The following KCTD4 variants were observed in gnomAD, a reference collection of about 807,000 sequenced individuals.
The protein encoded by KCTD4 is BTB/POZ domain-containing protein KCTD4.
In KCTD4, 12 loss-of-function variants were observed where a neutral mutation model predicts 18.3. That is an observed-to-expected ratio of 0.66 (90% CI 0.42 to 1.06). The LOEUF is 1.06. KCTD4 is among the 50% of genes least tolerant of loss of function. KCTD4 has a pLI of 0.00. For missense variants in KCTD4, 250 were observed against 303.4 expected, an observed-to-expected ratio of 0.82 and a Z score of 1.31; for synonymous variants, 124 against 110.5, an observed-to-expected ratio of 1.12 and a Z score of -0.76.
chr13:45,199,915 C>T (rs980026349), intron 1 of KCTD4, among the ~76,000 whole-genome samples: 3 of 152,094 alleles, frequency 2.0e-5, no homozygotes, highest in Admixed American at 1.3e-4. Context: ...AGGATCTGAA[C>T]AGGAGAACAG....
rs145052873 is a variant in KCTD4 at position 45,199,968 on chromosome 13, A to G, written c.-188+856T>C. Among the ~76,000 whole-genome samples, 1,304 of 152,306 alleles carry G rather than the reference A, an allele frequency of 8.6e-3. 7 individuals carry two copies. Among genetic ancestry groups the G allele is most frequent in the Non-Finnish European group, 0.014 (932 of 68,016 alleles). ...GAGCAAATGTGGTTTCTTACAGAGT[A>G]GGGAGGAGTTATAAACTAGGGATGG... On this transcript the variant is annotated intron_variant, in intron 1 of 1. Transcript: ENST00000379108.
At chr13:45,200,022 C>T (rs903836613) in intron 1 of KCTD4, among the ~76,000 whole-genome samples, 3 of 151,896 alleles carry the variant, frequency 2.0e-5, no homozygotes, top group Non-Finnish European at 4.4e-5. Flanking sequence ...ACATTTTTTT[C>T]ATATTTACCA....
At position 45,194,309 on chromosome 13, in the gene KCTD4, T is replaced by C. The variant is rs760123695; in HGVS notation, c.259A>G (p.Arg87Gly). 2 of 1,614,178 alleles carry C rather than the reference T, an allele frequency of 1.2e-6. No homozygotes were observed. Among genetic ancestry groups the C allele is most frequent in the Middle Eastern group, 1.6e-4 (1 of 6,062 alleles). Residue 87 changes from arginine to glycine, a missense_variant, in exon 2 of 2, where the codon AGG becomes GGG. Coordinates refer to ENST00000379108, the MANE Select transcript of KCTD4 (RefSeq NM_198404.3). ...TTTCGTAGGAAGTTTAGGACATGCC[T>C]GAAGAGGAGACCATCCCTGTCTATG... ...YFIDRDGLLF[R>G]HVLNFLRNGE... is the part of the protein sequence containing the mutation.
At chr13:45,200,180 T>G (rs1034719264) in intron 1 of KCTD4, among the ~76,000 whole-genome samples, 1 of 152,142 alleles carries the variant, frequency 6.6e-6, no homozygotes, top group African/African-American at 2.4e-5. Context: ...CTGTGAGCTA[T>G]TCCCTCCGTA....
chr13:45,195,948 G>A (rs181880050), intron 1 of KCTD4, among the ~76,000 whole-genome samples: 2 of 152,230 alleles, frequency 1.3e-5, no homozygotes, highest in Non-Finnish European at 2.9e-5. Flanking sequence ...GAGCTACTGC[G>A]CTGGGCCACA....
At chr13:45,199,151 C>G (rs188201568) in intron 1 of KCTD4, among the ~76,000 whole-genome samples, 2 of 152,306 alleles carry the variant, frequency 1.3e-5, no homozygotes, top group South Asian at 4.1e-4. Flanking sequence ...GCCACAAGGT[C>G]GTGTGAACAT....
chr13:45,200,256 A>G (rs1053504162), intron 1 of KCTD4, among the ~76,000 whole-genome samples: 3 of 152,092 alleles, frequency 2.0e-5, no homozygotes, highest in Non-Finnish European at 4.4e-5. Context: ...TGAGAGAGAG[A>G]GGGAGAGACA....
intron 1 of KCTD4, among the ~76,000 whole-genome samples, chr13:45,199,592 T>G (rs1873075267): frequency 6.6e-6 from 1 of 152,238 alleles, no homozygotes. Flanking sequence ...AGCATAGCAC[T>G]TATGTAAGCC....
chr13:45,199,004 T>C (rs1328007373), intron 1 of KCTD4, among the ~76,000 whole-genome samples: 1 of 152,212 alleles, frequency 6.6e-6, no homozygotes, highest in Non-Finnish European at 1.5e-5. Flanking sequence ...ATTTATCTGC[T>C]CTAAATGTTG....
chr13:45,194,235 T>C lies in KCTD4; in HGVS notation c.333A>G (p.Ala111=). The C allele has an allele frequency of 3.7e-6, 6 of 1,614,134 alleles. No individual in the cohort carries two copies. Among genetic ancestry groups the C allele is most frequent in the Non-Finnish European group, 5.1e-6 (6 of 1,179,966 alleles). Residue 111 remains alanine (A), a synonymous_variant, in exon 2 of 2, where the codon GCA becomes GCG. Transcript: ENST00000379108. ...PEGFRENQLL[A]QEAEFFQLKG... is the part of the protein sequence containing the mutation. ...TGAGCTGAAAGAATTCTGCTTCTTG[T>C]GCAAGAAGTTGATTTTCTCGAAACC...
intron 1 of KCTD4, among the ~76,000 whole-genome samples, chr13:45,198,467 T>C (rs1246018499): frequency 6.6e-6 from 1 of 152,190 alleles, no homozygotes; most frequent in Non-Finnish European, 1.5e-5. Context: ...TCAGACACTC[T>C]TCAAGGAAAA....
At chr13:45,197,715 G>A (rs1566132051) in intron 1 of KCTD4, among the ~76,000 whole-genome samples, 2 of 152,118 alleles carry the variant, frequency 1.3e-5, no homozygotes, top group African/African-American at 4.8e-5. Flanking sequence ...TTGCTAGGGG[G>A]TGGCGAGTGG....
In KCTD4 at chr13:45,200,678, C is replaced by T. The variant is rs151251477; in HGVS notation, c.-188+146G>A. Among the ~76,000 whole-genome samples the T allele has an allele frequency of 4.2e-3, 641 of 152,252 alleles. 3 individuals carry two copies. The highest frequency in any genetic ancestry group is 0.014 in the African/African-American group (594 of 41,540). ...TAATAATACAGGGATAGAAAGTTTG[C>T]CTAACTGGTTTGTTAAGATGCTAGT... On this transcript the variant is annotated intron_variant, in intron 1 of 1. Coordinates refer to ENST00000379108, the MANE Select transcript of KCTD4 (RefSeq NM_198404.3).
Position 45,194,367 on chromosome 13 carries a change from G to T in KCTD4, c.201C>A (p.Ile67=), listed in dbSNP as rs749741665. The T allele has an allele frequency of 1.9e-6, 3 of 1,614,162 alleles. No homozygotes were observed. The highest frequency in any genetic ancestry group is 2.5e-6 in the Non-Finnish European group (3 of 1,180,006). ...TFLEGIVNGK[I]LCPFDADGHY... Reference sequence around the variant, plus strand: ...GACCATCAGCATCAAACGGGCAGAGGATTTTTCCATTTACTATACCTTCAA... The same window carrying T: ...GACCATCAGCATCAAACGGGCAGAGTATTTTTCCATTTACTATACCTTCAA... Residue 67 remains isoleucine, a synonymous_variant, in exon 2 of 2, where the codon ATC becomes ATA. Coordinates refer to ENST00000379108, the MANE Select transcript of KCTD4 (RefSeq NM_198404.3).
At chr13:45,198,045 A>C (rs962473668) in intron 1 of KCTD4, among the ~76,000 whole-genome samples, 2 of 152,270 alleles carry the variant, frequency 1.3e-5, no homozygotes, top group Non-Finnish European at 2.9e-5. Context: ...TATTAGAGTT[A>C]GATCACCTCT....
At position 45,193,737 on chromosome 13, in the gene KCTD4, T is replaced by C. The variant is rs1254674445; in HGVS notation, c.*51A>G. ...TGGGATGTCTTTGATGCTGTGGTTTTCCGAAGCTTGCTGGCTGCATGCTTG... is the reference window on the plus strand; with the variant it reads ...TGGGATGTCTTTGATGCTGTGGTTTCCCGAAGCTTGCTGGCTGCATGCTTG... On this transcript the variant is annotated 3_prime_UTR_variant, in exon 2 of 2. Coordinates refer to ENST00000379108, the MANE Select transcript of KCTD4 (RefSeq NM_198404.3). 1 of 1,517,264 alleles carries C rather than the reference T, an allele frequency of 6.6e-7. No homozygotes were observed. The highest frequency in any genetic ancestry group is 2.3e-5 in the East Asian group (1 of 44,262). The allele number at this position is 1,517,264 out of a possible 1,614,324, so 94.0% of individuals were successfully genotyped here.
chr13:45,194,743 T>C lies in KCTD4; in HGVS notation c.-176A>G. 5 of 611,740 alleles carry C rather than the reference T, an allele frequency of 8.2e-6. No individual in the cohort carries two copies. In the South Asian group the frequency reaches 1.1e-4, roughly 13 times the overall value. 37.9% of individuals were successfully genotyped at this position (611,740 alleles called of 1,614,324 possible). Reference sequence around the variant, plus strand: ...AGTAGGTGGCGTATCAGCCTATGTATGCAGGAGCTTTCTGGAGTAAGACGG... The same window carrying C: ...AGTAGGTGGCGTATCAGCCTATGTACGCAGGAGCTTTCTGGAGTAAGACGG... On this transcript the variant is annotated 5_prime_UTR_variant, in exon 2 of 2. Transcript: ENST00000379108.
chr13:45,200,885 G>A lies in KCTD4; in HGVS notation c.-249C>T, dbSNP rs781508737. Among the ~76,000 whole-genome samples the A allele has an allele frequency of 2.5e-4, 38 of 152,212 alleles. No individual in the cohort carries two copies. Among genetic ancestry groups the A allele is most frequent in the Non-Finnish European group, 4.1e-4 (28 of 68,042 alleles). ...CAGAGAGTGTCGACACAGGTGTGAT[G>A]TAATTAAGAGTCAGGAGAGTAAGGA... is the stretch of plus-strand genomic sequence containing the variant. On this transcript the variant is annotated 5_prime_UTR_variant, in exon 1 of 2. Transcript: ENST00000379108.
In KCTD4 at chr13:45,194,183, T is replaced by C; in HGVS notation, c.385A>G (p.Arg129Gly). The change falls in exon 2 of 2, where the codon AGG becomes GGG. Residue 129 changes from arginine (R) to glycine (G), a missense_variant. Transcript: ENST00000379108. ...LKGLAEEVKSRWEKEQLTPRE... is the reference protein window; with the variant it reads ...LKGLAEEVKSGWEKEQLTPRE... ...GGTGTTAGCTGTTCTTTCTCCCACC[T>C]GGATTTCACTTCCTCTGCCAGTCCC... The C allele has an allele frequency of 1.2e-6, 2 of 1,614,178 alleles. No individual in the cohort carries two copies. Among genetic ancestry groups the C allele is most frequent in the Non-Finnish European group, 8.5e-7 (1 of 1,180,010 alleles).
Sources: allele counts gnomAD v4.1 joint callset (sites outside exome capture counted in the v4.1 genomes callset), GRCh38; gene constraint gnomAD v4.1.1; transcripts MANE v1.5; gene names NCBI Gene and HGNC (gene_info 2026-07-23, HGNC 2026-07-21).